Variants in OR51B5 observed in about 807,000 individuals in gnomAD.
OR51B5 encodes olfactory receptor family 51 subfamily B member 5, also known as olfactory receptor 51B5.
For synonymous variants in OR51B5, 186 were observed against 144.8 expected (o/e 1.28, Z -2.04); for missense variants, 456 against 374.6 (o/e 1.22, Z -1.79).
chr11:5,483,700 A>C (rs1851460049), intron 1 of OR51B5, among the ~76,000 whole-genome samples: 2 of 152,018 alleles, frequency 1.3e-5, no homozygotes, highest in Non-Finnish European at 2.9e-5. Context: ...CTCAATTATC[A>C]ACTGCTTCTT....
At chr11:5,367,957 G>C (rs1309571022) in intron 1 of OR51B5, among the ~76,000 whole-genome samples, 1 of 152,064 alleles carries the variant, frequency 6.6e-6, no homozygotes, top group Non-Finnish European at 1.5e-5. Flanking sequence ...AGTTTGTGAG[G>C]AATCAGACAT....
chr11:5,412,443 G>T (rs1006333551), intron 1 of OR51B5, among the ~76,000 whole-genome samples: 3 of 152,158 alleles, frequency 2.0e-5, no homozygotes, highest in Non-Finnish European at 4.4e-5. Context: ...GTGGGCGCAG[G>T]TCAGTGGGTG....
chr11:5,406,276 C>A (rs1481650223), intron 1 of OR51B5, among the ~76,000 whole-genome samples: 1 of 152,182 alleles, frequency 6.6e-6, no homozygotes, highest in Non-Finnish European at 1.5e-5. Flanking sequence ...AGCCAATTTA[C>A]TGAATATCTT....
rs201384979 is a variant in OR51B5, at chr11:5,351,746, T to G, written n.85-4836A>C. ...ACATTGACCACAATGCCCACAGTGC[T>G]AGGTGTTCTGTGGTTAGATCACAGG... On this transcript the variant is annotated intron_variant and non_coding_transcript_variant, in intron 1 of 4. Transcript: ENST00000415970. 1.9e-6 allele frequency: 3 copies of G among 1,613,886 alleles called. No individual in the cohort carries two copies. The East Asian group carries it at 6.7e-5, about 36-fold the overall frequency.
At chr11:5,497,422 A>C (rs1851666306) in intron 1 of OR51B5, among the ~76,000 whole-genome samples, 1 of 152,134 alleles carries the variant, frequency 6.6e-6, no homozygotes, top group African/African-American at 2.4e-5. Flanking sequence ...AAAATAAATA[A>C]ATTGTCAAAC....
rs1589975949 is a variant in OR51B5 at position 5,401,651 on chromosome 11, C to T, written n.85-54741G>A. On this transcript the variant is annotated intron_variant and non_coding_transcript_variant, in intron 1 of 4. Coordinates refer to the OR51B5 transcript ENST00000415970. ...TATATTTACCAATAAAATATTTTCA[C>T]CTATTCCTGATATTATTCCATATCT... Among the ~76,000 whole-genome samples the T allele has an allele frequency of 5.3e-5, 8 of 152,274 alleles. 1 individual carries two copies. Among genetic ancestry groups the T allele is most frequent in the Admixed American group, 5.2e-4 (8 of 15,298 alleles).
At chr11:5,445,108 A>C (rs1331157673) in intron 1 of OR51B5, among the ~76,000 whole-genome samples, 1 of 152,216 alleles carries the variant, frequency 6.6e-6, no homozygotes, top group Non-Finnish European at 1.5e-5. Flanking sequence ...ATGTATTGTC[A>C]CATCAAACAC....
At chr11:5,481,398 T>C (rs1443164536) in intron 1 of OR51B5, among the ~76,000 whole-genome samples, 1 of 91,282 alleles carries the variant, frequency 1.1e-5, no homozygotes, top group Admixed American at 1.3e-4. Flanking sequence ...CCACAGCCAA[T>C]ATCATACTGA....
chr11:5,366,345 G>C (rs1849367320), intron 1 of OR51B5, among the ~76,000 whole-genome samples: 1 of 152,136 alleles, frequency 6.6e-6, no homozygotes, highest in South Asian at 2.1e-4. Flanking sequence ...ACAGACTCAT[G>C]CCTGTAATCC....
At chr11:5,464,065 A>C (rs1221632290) in intron 1 of OR51B5, among the ~76,000 whole-genome samples, 2 of 152,200 alleles carry the variant, frequency 1.3e-5, no homozygotes, top group Non-Finnish European at 2.9e-5. Flanking sequence ...TATGATGGAA[A>C]ACAGACAATA....
chr11:5,439,262 G>A (rs1362844827), intron 1 of OR51B5, among the ~76,000 whole-genome samples: 1 of 152,112 alleles, frequency 6.6e-6, no homozygotes, highest in Admixed American at 6.6e-5. Flanking sequence ...GGGGTGGCTG[G>A]AAATTGTGTA....
At chr11:5,460,666 T>G (rs528049327) in intron 1 of OR51B5, among the ~76,000 whole-genome samples, 58 of 152,260 alleles carry the variant, frequency 3.8e-4, no homozygotes, top group Non-Finnish European at 6.3e-4. Context: ...GCCTTTAGAG[T>G]TACCAGAATT....
intron 1 of OR51B5, among the ~76,000 whole-genome samples, chr11:5,447,945 C>A (rs1453592662): frequency 1.3e-5 from 2 of 152,194 alleles, no homozygotes; most frequent in African/African-American, 4.8e-5. Context: ...AACCTCTCTT[C>A]TGAATTCTTG....
At chr11:5,483,514 A>G (rs11037724) in intron 1 of OR51B5, among the ~76,000 whole-genome samples, 1 of 140,934 alleles carries the variant, frequency 7.1e-6, no homozygotes, top group Non-Finnish European at 1.5e-5. Context: ...TAATTAAAAA[A>G]AAAAGAAAAG....
intron 1 of OR51B5, among the ~76,000 whole-genome samples, chr11:5,467,686 C>A (rs1394083729): frequency 1.3e-5 from 2 of 152,182 alleles, no homozygotes; most frequent in Non-Finnish European, 1.5e-5. Flanking sequence ...TTCAGCTATC[C>A]CTCTTCTGCT....
At chr11:5,438,195 G>A (rs540021749) in intron 1 of OR51B5, among the ~76,000 whole-genome samples, 37 of 152,132 alleles carry the variant, frequency 2.4e-4, no homozygotes, top group South Asian at 6.2e-4. Context: ...AGGGCTTTGA[G>A]AAGTCATGAT....
At chr11:5,500,095 G>C (rs1424475168) in intron 1 of OR51B5, among the ~76,000 whole-genome samples, 1 of 152,220 alleles carries the variant, frequency 6.6e-6, no homozygotes, top group East Asian at 1.9e-4. Flanking sequence ...AAAGGACACA[G>C]TGACCAAATT....
intron 1 of OR51B5, chr11:5,455,541 G>A (rs1850939103): frequency 1.4e-5 from 1 of 69,490 alleles, no homozygotes; most frequent in Non-Finnish European, 3.6e-5. Context: ...AAGAGAGCGA[G>A]GGATTGGGGG....
rs576589834 is a variant in OR51B5, at chr11:5,361,511, G to A, written n.85-14601C>T. ...ACAGACTTATGAACAGGTCGGTAAA[G>A]AACTCCAGTGTGTCTTGGCCTAGAG... On this transcript the variant is annotated intron_variant and non_coding_transcript_variant, in intron 1 of 4. Coordinates refer to the OR51B5 transcript ENST00000415970. 3.9e-3 allele frequency among the ~76,000 whole-genome samples: 596 copies of A among 152,314 alleles called. 2 individuals carry two copies. The highest frequency in any genetic ancestry group is 0.01 in the Middle Eastern group (3 of 292).
Sources: allele counts gnomAD v4.1 joint callset (sites outside exome capture counted in the v4.1 genomes callset), GRCh38; gene constraint gnomAD v4.1.1; transcripts MANE v1.5; gene names NCBI Gene and HGNC (gene_info 2026-07-23, HGNC 2026-07-21).